The following ART3 variants were observed in gnomAD, a reference collection of about 807,000 sequenced individuals.
The protein encoded by ART3 is ADP-ribosyltransferase 3 (inactive), also known as ecto-ADP-ribosyltransferase 3.
A neutral mutation model predicts 48.5 loss-of-function variants in ART3; 49 were observed. The ratio of observed to expected loss-of-function variants is 1.01; its 90% CI spans 0.80 to 1.28. The LOEUF (loss-of-function observed/expected upper bound fraction) is 1.28, where lower values mean the gene tolerates loss of function less well. Ranked by LOEUF, ART3 falls within the 50% of genes most tolerant of loss-of-function variation. ART3 has a pLI of 0.00. For missense variants in ART3, 438 were observed against 454.3 expected, an observed-to-expected ratio of 0.96 and a Z score of 0.33; for synonymous variants, 145 against 157.2, an observed-to-expected ratio of 0.92 and a Z score of 0.58.
Position 76,032,828 on chromosome 4 carries a change from C to T in ART3, c.-10+21508C>T, listed in dbSNP as rs187934687. Among the ~76,000 whole-genome samples the T allele has an allele frequency of 3.8e-3, 585 of 152,034 alleles. 1 individual carries two copies. The highest frequency in any genetic ancestry group is 0.013 in the African/African-American group (547 of 41,496). Reference sequence around the variant, plus strand: ...CTTGAACTCCTGACCTCAGGTGATCCGCCCGCTTCGGCCTCCCAAAGTGCT... The same window carrying T: ...CTTGAACTCCTGACCTCAGGTGATCTGCCCGCTTCGGCCTCCCAAAGTGCT... On this transcript the variant is annotated intron_variant, in intron 1 of 9. Transcript: ENST00000341029.
intron 1 of ART3, chr4:76,035,247 G>A: frequency 6.2e-7 from 1 of 1,613,992 alleles, no homozygotes; most frequent in East Asian, 2.2e-5. Flanking sequence ...TTGTTACTTG[G>A]GTACATTATG....
intron 1 of ART3, chr4:76,036,018 C>T (rs6819597): frequency 0.56 from 896,920 of 1,609,244 alleles, 257,546 homozygotes; most frequent in East Asian, 0.94. Flanking sequence ...GCTGGTGCTG[C>T]TGCTGCTACT....
chr4:76,052,714 C>CTTTTTTTTTTTTTTTTTTT (rs10644249), intron 1 of ART3, among the ~76,000 whole-genome samples: 1 of 142,588 alleles, frequency 7.0e-6, no homozygotes, highest in Non-Finnish European at 1.5e-5. Flanking sequence ...TTTCTTTTTT[C>CTTTTTTTTTTTTTTTTTTT]CTTCTTTTTT....
At chr4:76,069,883 C>T (rs1720142609), upstream of ART3, among the ~76,000 whole-genome samples, 1 of 151,668 alleles carries the variant, frequency 6.6e-6, no homozygotes, top group African/African-American at 2.4e-5. Context: ...TGATTGTGTG[C>T]ACATATAACA....
intron 1 of ART3, among the ~76,000 whole-genome samples, chr4:76,060,518 A>G (rs1176370733): frequency 6.6e-6 from 1 of 152,212 alleles, no homozygotes; most frequent in Non-Finnish European, 1.5e-5. Context: ...ATTGGCTAAC[A>G]TGGTAGGCAG....
Position 76,082,471 on chromosome 4 carries a change from C to A in ART3, c.717C>A (p.Gly239=). 8 of 1,612,110 alleles carry A rather than the reference C, an allele frequency of 5.0e-6. No homozygotes were observed. The highest frequency in any genetic ancestry group is 6.8e-6 in the Non-Finnish European group (8 of 1,179,422). The change falls in exon 3 of 12, where the codon GGC becomes GGA. Residue 239 remains glycine (G), a synonymous_variant. Coordinates refer to ENST00000355810, the MANE Select transcript of ART3 (RefSeq NM_001130016.3). ...TTCAAGTGTCACAGGAGGGGGCTGG[C>A]AATAACCTTATCCTTCAAAGCATAA... ...EVFQVSQEGA[G]NNLILQSINK... is the part of the protein sequence containing the mutation.
chr4:76,074,237 T>G (rs1304255858), upstream of ART3, among the ~76,000 whole-genome samples: 1 of 152,202 alleles, frequency 6.6e-6, no homozygotes, highest in Non-Finnish European at 1.5e-5. Context: ...AGTATGCGTA[T>G]TCATGTTTTT....
At chr4:76,069,916 G>A (rs1477211767), upstream of ART3, among the ~76,000 whole-genome samples, 1 of 152,012 alleles carries the variant, frequency 6.6e-6, no homozygotes, top group East Asian at 1.9e-4. Context: ...AGGCCTCAGA[G>A]TGGAATTTCT....
At chr4:76,069,212 T>C (rs1421814189) in intron 1 of ART3, among the ~76,000 whole-genome samples, 3 of 151,896 alleles carry the variant, frequency 2.0e-5, no homozygotes, top group African/African-American at 7.3e-5. Flanking sequence ...ATGTGGTGAC[T>C]TTTTTGGGGA....
At chr4:76,049,816 G>C (rs1735873409) in intron 1 of ART3, among the ~76,000 whole-genome samples, 1 of 152,002 alleles carries the variant, frequency 6.6e-6, no homozygotes, top group South Asian at 2.1e-4. Context: ...GTGGGTTCTT[G>C]GTCTCGCTGA....
chr4:76,049,454 G>C (rs186419983), intron 1 of ART3, among the ~76,000 whole-genome samples: 1 of 151,700 alleles, frequency 6.6e-6, no homozygotes, highest in Non-Finnish European at 1.5e-5. Flanking sequence ...CCTCTCTGTC[G>C]ACCCTCGGCT....
intron 3 of ART3, among the ~76,000 whole-genome samples, chr4:76,085,333 G>A (rs1223195191): frequency 6.6e-6 from 1 of 152,190 alleles, no homozygotes; most frequent in African/African-American, 2.4e-5. Flanking sequence ...TGGGTGGTAG[G>A]GAAGTGCTAA....
intron 1 of ART3, among the ~76,000 whole-genome samples, chr4:76,031,320 A>G (rs987457028): frequency 1.3e-5 from 2 of 151,990 alleles, no homozygotes; most frequent in African/African-American, 2.4e-5. Context: ...AGTGGTATAC[A>G]GAGTTTCTAA....
intron 2 of ART3, among the ~76,000 whole-genome samples, 197 bp downstream of exon 2, chr4:76,076,155 C>G (rs1435348031): frequency 6.6e-6 from 1 of 152,094 alleles, no homozygotes; most frequent in Non-Finnish European, 1.5e-5. Context: ...CAGGCGCCTG[C>G]CACCACGCCT....
At chr4:76,094,739 CA>C (rs757260000) in intron 3 of ART3, among the ~76,000 whole-genome samples, 1 of 152,180 alleles carries the variant, frequency 6.6e-6, no homozygotes, top group Non-Finnish European at 1.5e-5. Flanking sequence ...AGTTTTCTAA[CA>C]CATATAATCT....
At chr4:76,096,156 C>T (rs1725970790) in intron 3 of ART3, among the ~76,000 whole-genome samples, 1 of 152,310 alleles carries the variant, frequency 6.6e-6, no homozygotes, top group African/African-American at 2.4e-5. Context: ...CTCCTGACCT[C>T]AGGTGATCCA....
At chr4:76,081,752 TAATA>T (rs150056837) in intron 2 of ART3, 68 bp from the exon 3 acceptor site, 42,842 of 1,469,542 alleles carry the variant, frequency 0.029, 712 homozygotes, top group Non-Finnish European at 0.035. Context: ...AAGGTGGGGG[TAATA>T]ATGTGAGAGA....
chr4:76,074,045 G>A (rs141529925), upstream of ART3, among the ~76,000 whole-genome samples: 38 of 152,260 alleles, frequency 2.5e-4, no homozygotes, highest in African/African-American at 8.7e-4. Flanking sequence ...ACATTTTTGT[G>A]TTTTTTAAAT....
chr4:76,054,538 T>C (rs1438154321), intron 1 of ART3, among the ~76,000 whole-genome samples: 7 of 152,222 alleles, frequency 4.6e-5, no homozygotes, highest in Non-Finnish European at 1.0e-4. Context: ...AATAATACTT[T>C]TAAAATATTT....
Sources: allele counts gnomAD v4.1 joint callset (sites outside exome capture counted in the v4.1 genomes callset), GRCh38; gene constraint gnomAD v4.1.1; transcripts MANE v1.5; gene names NCBI Gene and HGNC (gene_info 2026-07-23, HGNC 2026-07-21).